ADARB2: variants seen among roughly 807,000 people sequenced by gnomAD.
ADARB2 encodes inactive double-stranded RNA-specific editase B2.
A neutral mutation model predicts 62.2 loss-of-function variants in ADARB2; 25 were observed. The observed-to-expected ratio is 0.40, with a 90% CI of 0.29 to 0.56. ADARB2 has a LOEUF of 0.56. ADARB2 is among the 20% of genes least tolerant of loss of function. The pLI, the probability that ADARB2 is intolerant of heterozygous loss-of-function variation, is 0.43. For missense variants in ADARB2, 1,071 were observed against 1,077.4 expected, an observed-to-expected ratio of 0.99 and a Z score of 0.08; for synonymous variants, 572 against 500.8, an observed-to-expected ratio of 1.14 and a Z score of -1.90.
chr10:1,590,150 A>G (rs1051205128), intron 1 of ADARB2, among the ~76,000 whole-genome samples: 2 of 152,196 alleles, frequency 1.3e-5, no homozygotes, highest in African/African-American at 2.4e-5. Context: ...ATGTGGTATC[A>G]TCGCAAGGCA....
chr10:1,733,636 CA>C lies in ADARB2; in HGVS notation c.100+3414del, dbSNP rs544150246. 5.0e-3 allele frequency among the ~76,000 whole-genome samples: 757 copies of C among 151,250 alleles called. 15 individuals are homozygous for C. The highest frequency in any genetic ancestry group is 6.8e-3 in the East Asian group (35 of 5,162). The stretch of plus-strand genomic sequence containing the variant: ...ATCTACCTGGTTGAACGGATATTAA[CA>C]AAAAAAACCCTTTTTCTTTATTATT... On this transcript the variant is annotated intron_variant, in intron 1 of 9. Coordinates refer to ENST00000381312, the MANE Select transcript of ADARB2 (RefSeq NM_018702.4).
rs145577133 is a variant in ADARB2, at chr10:1,565,446, A to G, written c.100+171605T>C. Reference sequence around the variant, plus strand: ...CTTCTCCGGTGCTGTCTATCTTTTTAGATCCATGGATATACTTGGAATTTC... The same window carrying G: ...CTTCTCCGGTGCTGTCTATCTTTTTGGATCCATGGATATACTTGGAATTTC... On this transcript the variant is annotated intron_variant, in intron 1 of 9. Coordinates refer to ENST00000381312, the MANE Select transcript of ADARB2 (RefSeq NM_018702.4). Among the ~76,000 whole-genome samples, 17 of 152,240 alleles carry G rather than the reference A, an allele frequency of 1.1e-4. No homozygotes were observed. The East Asian group carries it at 3.1e-3, about 28-fold the overall frequency.
At chr10:1,200,555 C>T (rs1836972693) in intron 7 of ADARB2, among the ~76,000 whole-genome samples, 1 of 152,142 alleles carries the variant, frequency 6.6e-6, no homozygotes, top group South Asian at 2.1e-4. Flanking sequence ...ATACTTAGTA[C>T]TCCCTTTGTC....
intron 1 of ADARB2, among the ~76,000 whole-genome samples, chr10:1,543,998 CAAAAA>C (rs779186191): frequency 0.028 from 2,316 of 81,964 alleles, 78 homozygotes; most frequent in African/African-American, 0.084. Context: ...GGCAGGTGAC[CAAAAA>C]AAAAAAAAAA....
intron 3 of ADARB2, among the ~76,000 whole-genome samples, chr10:1,308,562 A>G (rs72762930): frequency 5.9e-5 from 9 of 152,326 alleles, no homozygotes; most frequent in Admixed American, 1.3e-4. Context: ...GTTTAGTTTC[A>G]TAAGAAAATG....
At chr10:1,520,873 T>A (rs557106761) in intron 1 of ADARB2, among the ~76,000 whole-genome samples, 2 of 152,378 alleles carry the variant, frequency 1.3e-5, no homozygotes, top group East Asian at 3.9e-4. Context: ...ATATGTAGCA[T>A]TGAGATGCAA....
At chr10:1,696,141 GTA>G (rs1406837381) in intron 1 of ADARB2, among the ~76,000 whole-genome samples, 3 of 70,052 alleles carry the variant, frequency 4.3e-5, no homozygotes, top group Non-Finnish European at 6.1e-5. Context: ...TATCACACAT[GTA>G]TATTGTGTGT....
intron 2 of ADARB2, among the ~76,000 whole-genome samples, chr10:1,375,976 C>CACACACG (rs1564273609): frequency 1.3e-5 from 2 of 149,734 alleles, no homozygotes; most frequent in African/African-American, 5.1e-5. Flanking sequence ...CACATGTGCA[C>CACACACG]ACACACGCAC....
At chr10:1,335,610 CT>C (rs1282072203) in intron 3 of ADARB2, among the ~76,000 whole-genome samples, 1 of 152,172 alleles carries the variant, frequency 6.6e-6, no homozygotes, top group African/African-American at 2.4e-5. Flanking sequence ...GAAGGCTTGA[CT>C]GCTTGCAAGC....
chr10:1,302,212 T>C (rs1003829447), intron 3 of ADARB2, among the ~76,000 whole-genome samples: 8 of 152,208 alleles, frequency 5.3e-5, no homozygotes, highest in African/African-American at 7.2e-5. Context: ...ATTGCCTCAC[T>C]TGGGAAGCGC....
At chr10:1,568,405 C>A (rs1299032641) in intron 1 of ADARB2, among the ~76,000 whole-genome samples, 2 of 152,230 alleles carry the variant, frequency 1.3e-5, no homozygotes, top group Admixed American at 1.3e-4. Flanking sequence ...GCGGGGCCGT[C>A]TCCGCAGACA....
chr10:1,305,670 C>G (rs997157784), intron 3 of ADARB2, among the ~76,000 whole-genome samples: 3 of 151,496 alleles, frequency 2.0e-5, no homozygotes, highest in African/African-American at 7.3e-5. Flanking sequence ...ACTGGCAAAC[C>G]GAATCCAGCA....
chr10:1,473,151 G>T (rs546588206), intron 1 of ADARB2, among the ~76,000 whole-genome samples: 315 of 152,244 alleles, frequency 2.1e-3, no homozygotes, highest in African/African-American at 7.3e-3. Context: ...TTTGGAAGAG[G>T]CTTGGGCCTC....
chr10:1,460,489 A>G (rs1407770280), intron 1 of ADARB2, among the ~76,000 whole-genome samples: 1 of 76,400 alleles, frequency 1.3e-5, no homozygotes. Context: ...TACCTGCGTT[A>G]CGAACCTGCC....
rs1429784387 is a variant in ADARB2, at chr10:1,293,313, GGAGGGAGGTGGGGGAAGAGGGC to G, written c.1078-22266_1078-22245del. ...AGGGAGAGAAGGGGGAAGAGAGAGG[GGAGGGAGGTGGGGGAAGAGGGC>G]AGAGAGGGAGAAAGAGAAGGGAGGG... On this transcript the variant is annotated intron_variant, in intron 3 of 9. Transcript: ENST00000381312. Among the ~76,000 whole-genome samples the G allele has an allele frequency of 1.2e-4, 17 of 138,302 alleles. No homozygotes were observed. In the East Asian group the frequency reaches 3.9e-3, roughly 32 times the overall value. 90.7% of individuals were successfully genotyped at this position (138,302 alleles called of 152,430 possible). A position where few individuals can be genotyped will look rare whatever the true frequency, so the allele number is the denominator to read the frequency against.
At chr10:1,187,597 G>A (rs1353991728) in intron 8 of ADARB2, among the ~76,000 whole-genome samples, 2 of 152,252 alleles carry the variant, frequency 1.3e-5, no homozygotes, top group Non-Finnish European at 2.9e-5. Context: ...TGCGGAGGAC[G>A]TTGTGGGCAA....
chr10:1,616,371 C>T (rs1833634807), intron 1 of ADARB2, among the ~76,000 whole-genome samples: 1 of 152,224 alleles, frequency 6.6e-6, no homozygotes. Flanking sequence ...GTGTGCCCCT[C>T]CAGACACACT....
chr10:1,422,175 G>A lies in ADARB2; in HGVS notation c.101-43015C>T, dbSNP rs114794379. On this transcript the variant is annotated intron_variant, in intron 1 of 9. Coordinates refer to ENST00000381312, the MANE Select transcript of ADARB2 (RefSeq NM_018702.4). ...TTGGCAAGAGGAATAGAACGGGGAC[G>A]TCAAGGTACATCAAAGGAAAGATTC... Among the ~76,000 whole-genome samples, 238 of 152,324 alleles carry A rather than the reference G, an allele frequency of 1.6e-3. 1 individual carries two copies. The highest frequency in any genetic ancestry group is 5.5e-3 in the African/African-American group (227 of 41,584).
intron 8 of ADARB2, among the ~76,000 whole-genome samples, chr10:1,190,032 T>C (rs918834066): frequency 6.6e-6 from 1 of 152,072 alleles, no homozygotes; most frequent in African/African-American, 2.4e-5. Context: ...AACAGACCTG[T>C]GGCGATTGAG....
Sources: allele counts gnomAD v4.1 joint callset (sites outside exome capture counted in the v4.1 genomes callset), GRCh38; gene constraint gnomAD v4.1.1; transcripts MANE v1.5; gene names NCBI Gene and HGNC (gene_info 2026-07-23, HGNC 2026-07-21).